Variants in RALGPS2 observed in about 807,000 individuals in gnomAD.
RALGPS2 encodes ras-specific guanine nucleotide-releasing factor RalGPS2.
In RALGPS2, 43 loss-of-function variants were observed where a neutral mutation model predicts 86.8. The observed-to-expected ratio is 0.50, with a 90% CI of 0.39 to 0.64. The LOEUF is 0.64. Ranked by LOEUF, RALGPS2 falls within the 30% of genes least tolerant of loss-of-function variation. The pLI is 0.00. For missense variants in RALGPS2, 536 were observed against 694.6 expected (o/e 0.77, Z 2.57); for synonymous variants, 243 against 231.3 (o/e 1.05, Z -0.46).
rs138184891 is a variant in RALGPS2, at chr1:178,895,872, G to A, written c.1432-1792G>A. 9.3e-3 allele frequency among the ~76,000 whole-genome samples: 1,414 copies of A among 152,072 alleles called. 14 individuals are homozygous for A. The highest frequency in any genetic ancestry group is 0.014 in the Non-Finnish European group (925 of 67,930). On this transcript the variant is annotated intron_variant, in intron 16 of 19. Coordinates refer to ENST00000367635, the MANE Select transcript of RALGPS2 (RefSeq NM_152663.5). ...TGGCTGTTGAAAAAGTATGGATCAT[G>A]AGGTCAGCAGAGAGGTGGCAGGGAG...
intron 12 of RALGPS2, 136 bp from the exon 13 acceptor site, chr1:178,885,833 G>A (rs1372275246): frequency 1.4e-6 from 1 of 731,374 alleles, no homozygotes; most frequent in Non-Finnish European, 2.1e-6. Context: ...TCCCTAAACT[G>A]TTCATTTGAG....
intron 1 of RALGPS2, among the ~76,000 whole-genome samples, chr1:178,736,408 C>T (rs1650706062): frequency 6.6e-6 from 1 of 152,032 alleles, no homozygotes; most frequent in Non-Finnish European, 1.5e-5. Context: ...GTGATCCAGC[C>T]ACCTCGGCCT....
chr1:178,858,077 T>C (rs1404996680), intron 8 of RALGPS2, among the ~76,000 whole-genome samples: 4 of 152,180 alleles, frequency 2.6e-5, no homozygotes, highest in Non-Finnish European at 5.9e-5. Flanking sequence ...GGAAATGTAG[T>C]TGAAGTTCTT....
chr1:178,911,388 G>C (rs1345785436), intron 19 of RALGPS2, among the ~76,000 whole-genome samples: 1 of 151,898 alleles, frequency 6.6e-6, no homozygotes, highest in Admixed American at 6.6e-5. Flanking sequence ...TCTTGACATA[G>C]GTATTGAGTC....
chr1:178,875,802 T>C (rs964442634), intron 8 of RALGPS2, among the ~76,000 whole-genome samples: 1 of 151,260 alleles, frequency 6.6e-6, no homozygotes, highest in South Asian at 2.1e-4. Context: ...AAGGAGCCAG[T>C]AGGGGTGAAT....
chr1:178,770,018 CTTT>C (rs35638965), intron 1 of RALGPS2, among the ~76,000 whole-genome samples: 52 of 134,102 alleles, frequency 3.9e-4, no homozygotes, highest in Non-Finnish European at 4.1e-4. Context: ...TCGATTGCTT[CTTT>C]TTTTTTTTTT....
At chr1:178,796,192 T>C (rs1383336272) in intron 4 of RALGPS2, among the ~76,000 whole-genome samples, 1 of 152,192 alleles carries the variant, frequency 6.6e-6, no homozygotes, top group Admixed American at 6.5e-5. Flanking sequence ...CTCCTGCCTG[T>C]ATCTGTGATC....
Position 178,906,787 on chromosome 1 carries a change from A to T in RALGPS2, c.1642A>T (p.Lys548Ter). 6.2e-7 allele frequency: 1 copy of T among 1,609,706 alleles called. No homozygotes were observed. The highest frequency in any genetic ancestry group is 8.5e-7 in the Non-Finnish European group (1 of 1,178,798). ...LTDSEKGNSY[K>*]FQAGNRMNAM... is the part of the protein sequence containing the mutation. ...TTGGATAATTTTAGGAAATTCGTAC[A>T]AGTTTCAAGCTGGCAATAGAATGAA... Residue 548 changes from lysine to a stop codon, truncating the protein, a stop_gained, in exon 19 of 20, where the codon AAG becomes TAG. Coordinates refer to ENST00000367635, the MANE Select transcript of RALGPS2 (RefSeq NM_152663.5). LOFTEE classifies it high-confidence loss of function.
chr1:178,874,436 T>C (rs1035436924), intron 8 of RALGPS2, among the ~76,000 whole-genome samples: 8 of 152,082 alleles, frequency 5.3e-5, no homozygotes, highest in African/African-American at 1.9e-4. Context: ...GACAGCACAG[T>C]ATAGCGAGTG....
At chr1:178,833,615 T>A in intron 8 of RALGPS2, 65 bp downstream of exon 8, 1 of 1,496,678 alleles carries the variant, frequency 6.7e-7, no homozygotes, top group South Asian at 1.4e-5. Context: ...GTAATTTATG[T>A]GAAATTCAAG....
intron 3 of RALGPS2, among the ~76,000 whole-genome samples, chr1:178,785,017 G>A (rs1032745959): frequency 1.3e-5 from 2 of 151,886 alleles, no homozygotes; most frequent in African/African-American, 4.8e-5. Flanking sequence ...AACCATTCCT[G>A]CATTCCAGAG....
chr1:178,766,477 C>T (rs991108517), intron 1 of RALGPS2, among the ~76,000 whole-genome samples: 1 of 151,964 alleles, frequency 6.6e-6, no homozygotes, highest in Non-Finnish European at 1.5e-5. Context: ...GATCTGCCCA[C>T]CTCAGCCTCT....
In RALGPS2 at chr1:178,781,122, C is replaced by A. The variant is rs116205987; in HGVS notation, c.58-3296C>A. ...ATTTGTTAAATAAAATAGATCATTTCACTTGTACAAACAATTCTGTTGACT... is the reference window on the plus strand; with the variant it reads ...ATTTGTTAAATAAAATAGATCATTTAACTTGTACAAACAATTCTGTTGACT... On this transcript the variant is annotated intron_variant, in intron 2 of 19. Transcript: ENST00000367635. Among the ~76,000 whole-genome samples, 927 of 152,134 alleles carry A rather than the reference C, an allele frequency of 6.1e-3. 10 individuals are homozygous for A. Among genetic ancestry groups the A allele is most frequent in the African/African-American group, 0.021 (886 of 41,536 alleles).
At chr1:178,874,008 A>G (rs916663456) in intron 8 of RALGPS2, among the ~76,000 whole-genome samples, 1 of 151,972 alleles carries the variant, frequency 6.6e-6, no homozygotes, top group African/African-American at 2.4e-5. Context: ...AGCCTCCCAT[A>G]CTAGACACTT....
chr1:178,754,670 A>G (rs1339154607), intron 1 of RALGPS2, among the ~76,000 whole-genome samples: 1 of 152,222 alleles, frequency 6.6e-6, no homozygotes, highest in African/African-American at 2.4e-5. Flanking sequence ...AATACCCTCA[A>G]AGACACACCC....
chr1:178,856,202 G>GATATATATATAT (rs55797277), intron 8 of RALGPS2, among the ~76,000 whole-genome samples: 91 of 83,872 alleles, frequency 1.1e-3, no homozygotes, highest in African/African-American at 4.8e-3. Context: ...GAGAGAGAGA[G>GATATATATATAT]ATATATATAT....
rs542716515 is a variant in RALGPS2 at position 178,736,891 on chromosome 1, CT to C, written c.-84+11473del. ...CAGCCTGGGCAACAGAAGGACACCCCTGTCTTAAAAAACAAAAAGCATATGA... is the reference window on the plus strand; with the variant it reads ...CAGCCTGGGCAACAGAAGGACACCCCGTCTTAAAAAACAAAAAGCATATGA... On this transcript the variant is annotated intron_variant, in intron 1 of 19. Transcript: ENST00000367635. Among the ~76,000 whole-genome samples the C allele has an allele frequency of 6.1e-3, 932 of 152,180 alleles. 10 individuals carry two copies. Among genetic ancestry groups the C allele is most frequent in the African/African-American group, 0.021 (889 of 41,524 alleles).
intron 1 of RALGPS2, among the ~76,000 whole-genome samples, chr1:178,761,370 A>G (rs919006101): frequency 6.6e-6 from 1 of 150,950 alleles, no homozygotes; most frequent in Non-Finnish European, 1.5e-5. Context: ...CAGAGCTTGC[A>G]GTGAGCGGAG....
intron 8 of RALGPS2, among the ~76,000 whole-genome samples, chr1:178,840,009 T>G (rs1029853972): frequency 2.0e-5 from 3 of 152,044 alleles, no homozygotes; most frequent in Non-Finnish European, 2.9e-5. Context: ...AGCAAGTCCT[T>G]AGAGACCTAC....
Sources: allele counts gnomAD v4.1 joint callset (sites outside exome capture counted in the v4.1 genomes callset), GRCh38; gene constraint gnomAD v4.1.1; transcripts MANE v1.5; gene names NCBI Gene and HGNC (gene_info 2026-07-23, HGNC 2026-07-21).